The following LRRC38 variants were observed in gnomAD, a reference collection of about 807,000 sequenced individuals.
LRRC38 encodes the protein leucine-rich repeat-containing protein 38.
A neutral mutation model predicts 16.4 loss-of-function variants in LRRC38; 5 were observed. The ratio of observed to expected loss-of-function variants is 0.31; its 90% CI spans 0.16 to 0.64. The LOEUF is 0.64. Among genes scored for constraint, LRRC38 ranks in the 30% least tolerant of loss-of-function variants. The pLI is 0.80. For missense variants in LRRC38, 341 were observed against 401.8 expected (o/e 0.85, Z 1.29); for synonymous variants, 191 against 190.2 (o/e 1.00, Z -0.04).
chr1:13,502,419 C>A (rs1347144959), intron 1 of LRRC38, among the ~76,000 whole-genome samples: 1 of 152,136 alleles, frequency 6.6e-6, no homozygotes, highest in Non-Finnish European at 1.5e-5. Context: ...CCTTGCTGCT[C>A]CCAGGCACTG....
intron 1 of LRRC38, among the ~76,000 whole-genome samples, chr1:13,490,835 C>T (rs1203777563): frequency 6.6e-6 from 1 of 152,136 alleles, no homozygotes; most frequent in Non-Finnish European, 1.5e-5. Flanking sequence ...CCCAGGCCTG[C>T]CATTCTAAAG....
chr1:13,492,890 T>C (rs903859267), intron 1 of LRRC38, among the ~76,000 whole-genome samples: 16 of 152,252 alleles, frequency 1.1e-4, no homozygotes, highest in African/African-American at 3.1e-4. Context: ...GACGCATCTC[T>C]GCTCTGCCGC....
chr1:13,498,255 A>AAAT (rs1557502124), intron 1 of LRRC38, among the ~76,000 whole-genome samples: 2 of 152,018 alleles, frequency 1.3e-5, no homozygotes. Flanking sequence ...AAAACAAAAA[A>AAAT]AAAAAGAGCC....
At chr1:13,491,986 C>T (rs1410829668) in intron 1 of LRRC38, among the ~76,000 whole-genome samples, 1 of 152,080 alleles carries the variant, frequency 6.6e-6, no homozygotes, top group East Asian at 1.9e-4. Context: ...AAATCTTAGC[C>T]ATTTTCAGGT....
At chr1:13,506,762 A>G (rs1639218179) in intron 1 of LRRC38, among the ~76,000 whole-genome samples, 1 of 152,178 alleles carries the variant, frequency 6.6e-6, no homozygotes, top group African/African-American at 2.4e-5. Context: ...CCTGGCCCTG[A>G]TGCATTTTTA....
chr1:13,490,886 G>A (rs958698003), intron 1 of LRRC38, among the ~76,000 whole-genome samples: 7 of 152,100 alleles, frequency 4.6e-5, no homozygotes, highest in African/African-American at 1.4e-4. Flanking sequence ...TGGGCTCGCC[G>A]GCACGCTAGA....
chr1:13,495,363 C>A (rs1639069354), intron 1 of LRRC38, among the ~76,000 whole-genome samples: 1 of 152,092 alleles, frequency 6.6e-6, no homozygotes, highest in African/African-American at 2.4e-5. Context: ...CAGTTTCTGA[C>A]AAGGATCCGT....
At chr1:13,484,634 G>A (rs1395088931) in intron 1 of LRRC38, among the ~76,000 whole-genome samples, 3 of 152,204 alleles carry the variant, frequency 2.0e-5, no homozygotes, top group African/African-American at 7.2e-5. Flanking sequence ...CAACTCTCTG[G>A]AGTAGAGAGA....
At chr1:13,501,166 CATAT>C (rs1270829147) in intron 1 of LRRC38, among the ~76,000 whole-genome samples, 2 of 151,624 alleles carry the variant, frequency 1.3e-5, no homozygotes, top group African/African-American at 4.9e-5. Flanking sequence ...TATATATACG[CATAT>C]ATATTAGTAT....
At chr1:13,483,411 A>AGT (rs1234890878) in intron 1 of LRRC38, among the ~76,000 whole-genome samples, 2 of 152,118 alleles carry the variant, frequency 1.3e-5, no homozygotes, top group Non-Finnish European at 2.9e-5. Context: ...GGCCTCCCGA[A>AGT]GTGCTGGGAT....
At chr1:13,477,178 C>A (rs1178446766) in intron 1 of LRRC38, among the ~76,000 whole-genome samples, 2 of 152,180 alleles carry the variant, frequency 1.3e-5, no homozygotes, top group Non-Finnish European at 2.9e-5. Flanking sequence ...CCTGGGCCAA[C>A]AACCGGGTTG....
chr1:13,512,509 G>A (rs1639284038), intron 1 of LRRC38, among the ~76,000 whole-genome samples: 1 of 152,166 alleles, frequency 6.6e-6, no homozygotes, highest in African/African-American at 2.4e-5. Context: ...GAGCTGAGAA[G>A]CTGAGAGGCC....
chr1:13,494,726 A>T (rs1161672077), intron 1 of LRRC38, among the ~76,000 whole-genome samples: 1 of 152,190 alleles, frequency 6.6e-6, no homozygotes, highest in Non-Finnish European at 1.5e-5. Context: ...CTCTTGCCTC[A>T]GCTTCTCACT....
At chr1:13,508,515 C>T (rs3013055) in intron 1 of LRRC38, among the ~76,000 whole-genome samples, 76,731 of 152,004 alleles carry the variant, frequency 0.5, 20,519 homozygotes, top group Middle Eastern at 0.66. Flanking sequence ...AATCATTTTG[C>T]GAATGTACAG....
intron 1 of LRRC38, among the ~76,000 whole-genome samples, chr1:13,490,697 G>A (rs1424410288): frequency 6.6e-6 from 1 of 152,164 alleles, no homozygotes; most frequent in Non-Finnish European, 1.5e-5. Flanking sequence ...TGGTTAGAGA[G>A]AACCTTCTGG....
intron 1 of LRRC38, among the ~76,000 whole-genome samples, chr1:13,504,865 A>AAGAG (rs1397499745): frequency 3.3e-5 from 5 of 150,830 alleles, no homozygotes; most frequent in Non-Finnish European, 7.4e-5. Flanking sequence ...AGAAAAAAGA[A>AAGAG]AAAGAGAAAG....
At position 13,479,946 on chromosome 1, in the gene LRRC38, T is replaced by C. The variant is rs749733753; in HGVS notation, c.632-3847A>G. ...ATCACTGACATTTGGGACAGGAACATTTTTTTGACATAGGGGCCGTCCTGT... is the reference window on the plus strand; with the variant it reads ...ATCACTGACATTTGGGACAGGAACACTTTTTTGACATAGGGGCCGTCCTGT... On this transcript the variant is annotated intron_variant, in intron 1 of 1. Coordinates refer to ENST00000376085, the MANE Select transcript of LRRC38 (RefSeq NM_001010847.2). 1.1e-3 allele frequency among the ~76,000 whole-genome samples: 163 copies of C among 152,304 alleles called. 1 individual carries two copies. Among genetic ancestry groups the C allele is most frequent in the Non-Finnish European group, 1.8e-3 (123 of 68,012 alleles).
intron 1 of LRRC38, among the ~76,000 whole-genome samples, chr1:13,478,921 ACT>A (rs911132783): frequency 5.3e-5 from 8 of 151,896 alleles, no homozygotes; most frequent in African/African-American, 1.5e-4. Context: ...TAGCAACCAG[ACT>A]CTGCATTCCC....
intron 1 of LRRC38, among the ~76,000 whole-genome samples, chr1:13,489,778 G>A (rs1199802672): frequency 2.0e-5 from 3 of 152,076 alleles, no homozygotes; most frequent in Admixed American, 1.3e-4. Flanking sequence ...ATTAAATATC[G>A]ACAGTTGCAT....
Sources: gnomAD v4.1 joint callset for allele counts (sites outside exome capture counted in the v4.1 genomes callset) on GRCh38, gnomAD v4.1.1 for gene constraint, MANE v1.5 for transcripts, NCBI Gene and HGNC (gene_info 2026-07-23, HGNC 2026-07-21) for gene names.